Variants in ONECUT2 observed in about 807,000 individuals in gnomAD.
ONECUT2 encodes the protein one cut domain family member 2.
ONECUT2 carries 10 observed loss-of-function variants against 27.9 expected under a neutral mutation model. The ratio of observed to expected loss-of-function variants is 0.36; its 90% CI spans 0.22 to 0.61. The LOEUF is 0.61. Ranked by LOEUF, ONECUT2 falls within the 20% of genes least tolerant of loss-of-function variation. The pLI is 0.73. For synonymous variants in ONECUT2, 334 were observed against 315.1 expected, an observed-to-expected ratio of 1.06 and a Z score of -0.64; for missense variants, 686 against 721.0, an observed-to-expected ratio of 0.95 and a Z score of 0.56.
rs2050141246 is a variant in ONECUT2 at position 57,436,305 on chromosome 18, C to T, written c.589C>T (p.Leu197Phe). The T allele has an allele frequency of 4.4e-6, 7 of 1,604,146 alleles. No individual in the cohort carries two copies. The East Asian group carries it at 1.1e-4, about 26-fold the overall frequency. The change falls in exon 1 of 2, where the codon CTC becomes TTC. Residue 197 changes from leucine (L) to phenylalanine (F), a missense_variant. Physicochemically the swap from Leu to Phe is conservative, Grantham distance 22. Coordinates refer to ENST00000491143, the MANE Select transcript of ONECUT2 (RefSeq NM_004852.3). This position sits in a 1 kb window ranked among gnomAD's most constrained non-coding sequence, Gnocchi z 5.9. ...CGGCAACGTCAGCGGCAGCTTCACC[C>T]TCATGCGCGACGAGCGCGGGCTCCC... ...LSGNVSGSFT[L>F]MRDERGLPAM...
chr18:57,445,864 C>G (rs1598931987), intron 1 of ONECUT2, among the ~76,000 whole-genome samples: 1 of 152,254 alleles, frequency 6.6e-6, no homozygotes, highest in Non-Finnish European at 1.5e-5. Flanking sequence ...GAGTCCCCCT[C>G]GGGGAAGAAG....
intron 1 of ONECUT2, among the ~76,000 whole-genome samples, chr18:57,447,646 G>A (rs1308890995): frequency 6.6e-6 from 1 of 151,956 alleles, no homozygotes; most frequent in Non-Finnish European, 1.5e-5. Flanking sequence ...TTTAGATTTA[G>A]GATTTCCTTT....
chr18:57,456,932 A>G (rs1486240501), intron 1 of ONECUT2, among the ~76,000 whole-genome samples: 1 of 152,158 alleles, frequency 6.6e-6, no homozygotes, highest in East Asian at 1.9e-4. Flanking sequence ...CAGGCCCATC[A>G]ATGTCCTCAC....
chr18:57,438,938 TG>T (rs1180127623), intron 1 of ONECUT2, among the ~76,000 whole-genome samples: 2 of 152,028 alleles, frequency 1.3e-5, no homozygotes, highest in Non-Finnish European at 2.9e-5. Flanking sequence ...CTGTCTCTGG[TG>T]GGTTTTAGTA....
Position 57,486,974 on chromosome 18 carries a change from C to T in ONECUT2, c.*10251C>T, listed in dbSNP as rs2050441892. ...TGATGCATTGTGGTCTTAATAGCAA[C>T]ATTTTTCATTTTGAACTAGATCTTC... On this transcript the variant is annotated 3_prime_UTR_variant, in exon 2 of 2. Transcript: ENST00000491143. 6.6e-6 allele frequency: 1 copy of T among 152,604 alleles called. No individual in the cohort carries two copies. Among genetic ancestry groups the T allele is most frequent in the Non-Finnish European group, 1.5e-5 (1 of 68,034 alleles). 9.5% of individuals were successfully genotyped at this position (152,604 alleles called of 1,614,324 possible). A position where few individuals can be genotyped will look rare whatever the true frequency, so the allele number is the denominator to read the frequency against.
At chr18:57,467,461 G>A (rs1186387443) in intron 1 of ONECUT2, among the ~76,000 whole-genome samples, 1 of 152,170 alleles carries the variant, frequency 6.6e-6, no homozygotes, top group Non-Finnish European at 1.5e-5. Context: ...TGCCTCCCGG[G>A]TTGAAGTGAT....
chr18:57,447,648 A>T (rs1036240029), intron 1 of ONECUT2, among the ~76,000 whole-genome samples: 6 of 151,830 alleles, frequency 4.0e-5, no homozygotes, highest in African/African-American at 1.5e-4. Context: ...TAGATTTAGG[A>T]TTTCCTTTCA....
Position 57,490,945 on chromosome 18 carries a change from A to C in ONECUT2, c.*14222A>C, listed in dbSNP as rs2050463014. 1 of 152,624 alleles carries C rather than the reference A, an allele frequency of 6.6e-6. No individual in the cohort carries two copies. Among genetic ancestry groups the C allele is most frequent in the Admixed American group, 6.5e-5 (1 of 15,280 alleles). The allele number at this position is 152,624 out of a possible 1,614,324, so 9.5% of individuals were successfully genotyped here. On this transcript the variant is annotated 3_prime_UTR_variant, in exon 2 of 2. Transcript: ENST00000491143. ...GTCTTTCACCCTGCGCTATATTTCC[A>C]AAGTGTATTATAATCCAGATATTGC...
chr18:57,470,666 C>A (rs1401971978), intron 1 of ONECUT2, among the ~76,000 whole-genome samples: 1 of 152,144 alleles, frequency 6.6e-6, no homozygotes. Context: ...ACCACTGCAC[C>A]TGCGGAACTG....
chr18:57,469,909 C>T (rs556867500), intron 1 of ONECUT2, among the ~76,000 whole-genome samples: 15 of 152,252 alleles, frequency 9.9e-5, no homozygotes, highest in African/African-American at 3.1e-4. Context: ...AAGTGGCTGA[C>T]AAGGAGTAGG....
intron 1 of ONECUT2, among the ~76,000 whole-genome samples, chr18:57,445,686 T>C (rs1488365122): frequency 8.5e-5 from 13 of 152,232 alleles, no homozygotes; most frequent in Admixed American, 8.5e-4. Context: ...CAGGAAGCAG[T>C]GAGCTCTCCA....
chr18:57,457,811 T>C (rs2050268267), intron 1 of ONECUT2, among the ~76,000 whole-genome samples: 1 of 152,358 alleles, frequency 6.6e-6, no homozygotes, highest in Admixed American at 6.5e-5. Context: ...GATGAGTTCA[T>C]GTCCTTTGCA....
At position 57,436,405 on chromosome 18, in the gene ONECUT2, C is replaced by A. The variant is rs1245155342; in HGVS notation, c.689C>A (p.Thr230Lys). 7 of 1,610,796 alleles carry A rather than the reference C, an allele frequency of 4.3e-6. No individual in the cohort carries two copies. Among genetic ancestry groups the A allele is most frequent in the African/African-American group, 2.7e-5 (2 of 74,950 alleles). Reference protein sequence around the residue: ...MSQSLSPLAATPLGNGLGGLH... With the variant: ...MSQSLSPLAAKPLGNGLGGLH... ...CAGAGCCTGTCCCCGCTGGCCGCCA[C>A]GCCGCTGGGCAACGGGCTAGGCGGC... is the stretch of plus-strand genomic sequence containing the variant. The change falls in exon 1 of 2, where the codon ACG (threonine) becomes AAG (lysine). Residue 230 changes from threonine (T) to lysine (K), a missense_variant. Physicochemically the swap from Thr to Lys is moderately conservative, Grantham distance 78. Coordinates refer to ENST00000491143, the MANE Select transcript of ONECUT2 (RefSeq NM_004852.3). The surrounding 1 kb of genome is among the most constrained non-coding windows in gnomAD (Gnocchi z 5.9).
At chr18:57,441,223 A>G (rs1163857674) in intron 1 of ONECUT2, among the ~76,000 whole-genome samples, 1 of 152,268 alleles carries the variant, frequency 6.6e-6, no homozygotes, top group Non-Finnish European at 1.5e-5. Flanking sequence ...GATAATGTTT[A>G]GAAGATTAAA....
chr18:57,473,446 T>C (rs1303240130), intron 1 of ONECUT2, among the ~76,000 whole-genome samples: 1 of 152,132 alleles, frequency 6.6e-6, no homozygotes, highest in East Asian at 1.9e-4. Flanking sequence ...TCTCTAGAAT[T>C]GAACATTTTT....
chr18:57,486,042 A>G lies in ONECUT2; in HGVS notation c.*9319A>G, dbSNP rs1598949513. 1 of 152,630 alleles carries G rather than the reference A, an allele frequency of 6.6e-6. No homozygotes were observed. The highest frequency in any genetic ancestry group is 2.1e-4 in the South Asian group (1 of 4,826). 9.5% of individuals were successfully genotyped at this position (152,630 alleles called of 1,614,324 possible). A position where few individuals can be genotyped will look rare whatever the true frequency, so the allele number is the denominator to read the frequency against. On this transcript the variant is annotated 3_prime_UTR_variant, in exon 2 of 2. Transcript: ENST00000491143. ...GCAGAGCTCCCTATAAGTGAACATC[A>G]CCTTCCCCATCTTTCCTACTGCCAC...
At chr18:57,456,579 A>G (rs1255787112) in intron 1 of ONECUT2, among the ~76,000 whole-genome samples, 1 of 152,230 alleles carries the variant, frequency 6.6e-6, no homozygotes, top group East Asian at 1.9e-4. Flanking sequence ...GGTGCTTGCC[A>G]GGTGCCTGAG....
intron 1 of ONECUT2, among the ~76,000 whole-genome samples, chr18:57,469,338 G>A (rs1204756860): frequency 6.6e-6 from 1 of 152,116 alleles, no homozygotes; most frequent in African/African-American, 2.4e-5. Flanking sequence ...CACCCTGGAT[G>A]GTCTCTCTCC....
intron 1 of ONECUT2, among the ~76,000 whole-genome samples, chr18:57,467,406 C>T (rs1483878708): frequency 6.6e-6 from 1 of 151,966 alleles, no homozygotes; most frequent in Non-Finnish European, 1.5e-5. Flanking sequence ...TGCTCTGTCA[C>T]CCAGGCGGGA....
Sources: allele counts gnomAD v4.1 joint callset (sites outside exome capture counted in the v4.1 genomes callset), GRCh38; gene constraint gnomAD v4.1.1; non-coding constraint Gnocchi (gnomAD v3.1); transcripts MANE v1.5; gene names NCBI Gene and HGNC (gene_info 2026-07-23, HGNC 2026-07-21).